The following RIMS2 variants were observed in gnomAD, a reference collection of about 807,000 sequenced individuals.
RIMS2 encodes the protein regulating synaptic membrane exocytosis protein 2.
In RIMS2, 59 loss-of-function variants were observed where a neutral mutation model predicts 174.4. That is an observed-to-expected ratio of 0.34 (90% CI 0.27 to 0.42). RIMS2 has a LOEUF of 0.42. Among genes scored for constraint, RIMS2 ranks in the 10% least tolerant of loss-of-function variants. RIMS2 has a pLI of 1.00. For missense variants in RIMS2, 1,620 were observed against 1,666.3 expected, an observed-to-expected ratio of 0.97 and a Z score of 0.48; for synonymous variants, 606 against 572.5, an observed-to-expected ratio of 1.06 and a Z score of -0.84.
At chr8:103,849,042 T>A (rs1295874499) in intron 3 of RIMS2, among the ~76,000 whole-genome samples, 5 of 152,086 alleles carry the variant, frequency 3.3e-5, no homozygotes, top group Non-Finnish European at 7.4e-5. Flanking sequence ...AACTAGTCTT[T>A]ACAATTACTG....
chr8:103,543,029 G>A (rs1260565122), intron 1 of RIMS2, among the ~76,000 whole-genome samples: 3 of 151,990 alleles, frequency 2.0e-5, no homozygotes, highest in Non-Finnish European at 4.4e-5. Context: ...AGAGCAATTA[G>A]GCAAAAGAAT....
chr8:104,118,180 A>C lies in RIMS2; in HGVS notation c.3334+103565A>C, dbSNP rs1266679388. Among the ~76,000 whole-genome samples the C allele has an allele frequency of 2.0e-5, 3 of 152,062 alleles. No homozygotes were observed. The East Asian group carries it at 5.8e-4, about 29-fold the overall frequency. On this transcript the variant is annotated intron_variant, in intron 19 of 23. Coordinates refer to ENST00000504942, the Ensembl canonical transcript of RIMS2. The stretch of plus-strand genomic sequence containing the variant: ...TTTTACCTGTTTATTATAATAGATA[A>C]AATATGAAAATTTTAGAATATTTTA...
At chr8:103,910,109 G>T in intron 4 of RIMS2, 2 of 1,488,000 alleles carry the variant, frequency 1.3e-6, no homozygotes, top group Middle Eastern at 1.7e-4. Context: ...CTCCTTTACT[G>T]CACTCTTTTG....
intron 3 of RIMS2, among the ~76,000 whole-genome samples, chr8:103,837,796 A>G (rs1444190205): frequency 3.9e-5 from 6 of 152,086 alleles, no homozygotes; most frequent in Admixed American, 2.0e-4. Flanking sequence ...AGTCTTTGCT[A>G]TTGTGAATAG....
chr8:103,759,307 T>A (rs1486436166), intron 2 of RIMS2, among the ~76,000 whole-genome samples: 1 of 152,124 alleles, frequency 6.6e-6, no homozygotes, highest in Non-Finnish European at 1.5e-5. Context: ...GGCTCACGCC[T>A]GTAATCCCAG....
intron 1 of RIMS2, among the ~76,000 whole-genome samples, chr8:103,679,437 T>C (rs901757995): frequency 1.3e-5 from 2 of 152,042 alleles, no homozygotes; most frequent in Non-Finnish European, 2.9e-5. Context: ...TTGGAAATCC[T>C]AGTAAACAAA....
At position 103,629,869 on chromosome 8, in the gene RIMS2, C is replaced by A. The variant is rs181013926; in HGVS notation, c.177-67217C>A. Reference sequence around the variant, plus strand: ...TTTAAAATCTGATGAACAGAAAAAACAAATTAACAAATGAACCATCTTGGA... The same window carrying A: ...TTTAAAATCTGATGAACAGAAAAAAAAAATTAACAAATGAACCATCTTGGA... On this transcript the variant is annotated intron_variant, in intron 1 of 23. Transcript: ENST00000504942. 9.6e-3 allele frequency among the ~76,000 whole-genome samples: 1,454 copies of A among 151,478 alleles called. 15 individuals are homozygous for A. The highest frequency in any genetic ancestry group is 0.018 in the South Asian group (87 of 4,788).
intron 1 of RIMS2, among the ~76,000 whole-genome samples, chr8:103,562,240 G>A (rs1443855503): frequency 6.6e-6 from 1 of 152,148 alleles, no homozygotes. Flanking sequence ...ACAATCCAAA[G>A]TCTCATCTGA....
At chr8:103,961,314 C>A (rs1185364568) in intron 15 of RIMS2, among the ~76,000 whole-genome samples, 181 bp downstream of exon 17, 2 of 152,050 alleles carry the variant, frequency 1.3e-5, no homozygotes, top group Non-Finnish European at 2.9e-5. Flanking sequence ...ACACCTGTAC[C>A]AATTAGATTG....
chr8:103,923,214 C>T (rs2078061459), intron 10 of RIMS2, among the ~76,000 whole-genome samples: 1 of 151,508 alleles, frequency 6.6e-6, no homozygotes. Context: ...ATAGTTCGTC[C>T]TTAAATAATG....
intron 19 of RIMS2, among the ~76,000 whole-genome samples, chr8:104,156,505 T>C (rs767793445): frequency 3.9e-5 from 6 of 152,208 alleles, no homozygotes; most frequent in Non-Finnish European, 8.8e-5. Flanking sequence ...TTTCAGAAAT[T>C]ATAAGGCACT....
intron 19 of RIMS2, among the ~76,000 whole-genome samples, chr8:104,141,289 T>G (rs757422459): frequency 6.6e-6 from 1 of 152,188 alleles, no homozygotes; most frequent in Non-Finnish European, 1.5e-5. Flanking sequence ...GGTCTATTAT[T>G]CAATAATTTG....
intron 2 of RIMS2, among the ~76,000 whole-genome samples, chr8:103,753,537 G>C (rs1564513018): frequency 6.6e-6 from 1 of 152,096 alleles, no homozygotes; most frequent in Non-Finnish European, 1.5e-5. Flanking sequence ...TATACCTCTG[G>C]TAGAATTCGG....
At chr8:104,211,804 G>A (rs530549433) in intron 19 of RIMS2, among the ~76,000 whole-genome samples, 7 of 152,180 alleles carry the variant, frequency 4.6e-5, no homozygotes, top group South Asian at 2.1e-4. Context: ...GTGAGCCACC[G>A]CGCGTGACTG....
intron 19 of RIMS2, among the ~76,000 whole-genome samples, chr8:104,108,686 G>T (rs1294267871): frequency 6.6e-6 from 1 of 151,962 alleles, no homozygotes; most frequent in Non-Finnish European, 1.5e-5. Context: ...ATTTGGAGAT[G>T]GCAAAAATAA....
At chr8:103,971,071 C>T (rs1435713495) in intron 15 of RIMS2, among the ~76,000 whole-genome samples, 1 of 152,022 alleles carries the variant, frequency 6.6e-6, no homozygotes, top group African/African-American at 2.4e-5. Flanking sequence ...ATAAACCATT[C>T]CTTTTAACCT....
chr8:103,730,809 T>C (rs1171721408), intron 2 of RIMS2, among the ~76,000 whole-genome samples: 1 of 152,202 alleles, frequency 6.6e-6, no homozygotes, highest in Non-Finnish European at 1.5e-5. Context: ...TCTGGGGAAG[T>C]CTGTATTTCT....
intron 16 of RIMS2, among the ~76,000 whole-genome samples, chr8:103,981,885 A>T (rs141993606): frequency 7.9e-5 from 12 of 152,274 alleles, no homozygotes; most frequent in Non-Finnish European, 1.0e-4. Flanking sequence ...ACAAGATCTA[A>T]AAAACAGACT....
intron 19 of RIMS2, among the ~76,000 whole-genome samples, chr8:104,100,967 A>G (rs1342844794): frequency 7.8e-6 from 1 of 127,934 alleles, no homozygotes; most frequent in Non-Finnish European, 1.6e-5. Flanking sequence ...GATATATTAT[A>G]TAGTATATAT....
Sources: allele counts gnomAD v4.1 joint callset (sites outside exome capture counted in the v4.1 genomes callset), GRCh38; gene constraint gnomAD v4.1.1; transcripts MANE v1.5; gene names NCBI Gene and HGNC (gene_info 2026-07-23, HGNC 2026-07-21).